EPHA6: variants seen among roughly 807,000 people sequenced by gnomAD.
EPHA6 encodes the protein ephrin type-A receptor 6.
A neutral mutation model predicts 112.0 loss-of-function variants in EPHA6; 50 were observed. The ratio of observed to expected loss-of-function variants is 0.45; its 90% confidence interval spans 0.36 to 0.56. The LOEUF is 0.56. EPHA6 is among the 20% of genes least tolerant of loss of function. The pLI is 0.00. For synonymous variants in EPHA6, 529 were observed against 490.7 expected (o/e 1.08, Z -1.03); for missense variants, 1,280 against 1,417.4 (o/e 0.90, Z 1.56).
intron 2 of EPHA6, among the ~76,000 whole-genome samples, chr3:96,889,404 G>A (rs781739510): frequency 2.7e-4 from 41 of 152,290 alleles, no homozygotes; most frequent in Non-Finnish European, 4.6e-4. Flanking sequence ...AGGTTTATTG[G>A]AGTCACAGTT....
chr3:97,190,395 C>A (rs987354868), intron 3 of EPHA6, among the ~76,000 whole-genome samples: 1 of 152,030 alleles, frequency 6.6e-6, no homozygotes, highest in Admixed American at 6.6e-5. Flanking sequence ...TGTAAAAGCA[C>A]CCCAACTTCT....
At chr3:97,374,764 G>C (rs902078541) in intron 5 of EPHA6, among the ~76,000 whole-genome samples, 2 of 152,040 alleles carry the variant, frequency 1.3e-5, no homozygotes, top group African/African-American at 4.8e-5. Context: ...ATAAAATTAT[G>C]TCCTTTACAA....
At chr3:96,820,323 A>G (rs2033152816) in intron 1 of EPHA6, among the ~76,000 whole-genome samples, 1 of 152,064 alleles carries the variant, frequency 6.6e-6, no homozygotes, top group Admixed American at 6.6e-5. Context: ...ACCAATTTAC[A>G]TTTTAGTAGC....
chr3:97,362,992 T>C (rs978418538), intron 5 of EPHA6, among the ~76,000 whole-genome samples: 1 of 150,762 alleles, frequency 6.6e-6, no homozygotes, highest in African/African-American at 2.4e-5. Flanking sequence ...TAATTTATTA[T>C]TGTTATACTT....
intron 5 of EPHA6, among the ~76,000 whole-genome samples, chr3:97,273,460 G>GTC (rs1425927825): frequency 6.6e-6 from 1 of 152,178 alleles, no homozygotes; most frequent in Non-Finnish European, 1.5e-5. Context: ...TTGATCTGGT[G>GTC]TCTGGAATGA....
At chr3:97,333,425 C>T (rs2082897079) in intron 5 of EPHA6, among the ~76,000 whole-genome samples, 1 of 149,604 alleles carries the variant, frequency 6.7e-6, no homozygotes, top group Non-Finnish European at 1.5e-5. Flanking sequence ...CATCTGCAAC[C>T]AGAAAGAGTT....
intron 10 of EPHA6, among the ~76,000 whole-genome samples, chr3:97,509,382 T>C (rs2092322897): frequency 6.6e-6 from 1 of 152,182 alleles, no homozygotes; most frequent in South Asian, 2.1e-4. Context: ...GCAGGCCTGG[T>C]GGTGACAAAA....
At chr3:97,126,297 C>T (rs1027991095) in intron 3 of EPHA6, among the ~76,000 whole-genome samples, 3 of 152,146 alleles carry the variant, frequency 2.0e-5, no homozygotes, top group Non-Finnish European at 2.9e-5. Flanking sequence ...CCACAACATG[C>T]ACTGGCAGCT....
In EPHA6 at chr3:97,735,990, C is replaced by T. The variant is rs761026433; in HGVS notation, c.3000C>T (p.His1000=). The change falls in exon 16 of 18, where the codon CAC becomes CAT. Residue 1000 remains histidine (H), a synonymous_variant. Coordinates refer to ENST00000389672, the MANE Select transcript of EPHA6 (RefSeq NM_001080448.3). ...PAPMGCPASL[H]QLMLHCWQKE... is the part of the protein sequence containing the mutation. ...CCATGGGCTGTCCAGCATCTCTACA[C>T]CAGCTGATGCTCCACTGCTGGCAGA... 2.5e-6 allele frequency: 4 copies of T among 1,612,628 alleles called. No homozygotes were observed. Among genetic ancestry groups the T allele is most frequent in the Non-Finnish European group, 3.4e-6 (4 of 1,179,130 alleles).
At chr3:97,104,185 TG>T (rs1199055674) in intron 3 of EPHA6, among the ~76,000 whole-genome samples, 1 of 152,150 alleles carries the variant, frequency 6.6e-6, no homozygotes, top group Non-Finnish European at 1.5e-5. Flanking sequence ...AATACTGTGT[TG>T]AATAGGAGTG....
At chr3:97,582,910 TC>T (rs2093452570) in intron 11 of EPHA6, among the ~76,000 whole-genome samples, 1 of 151,980 alleles carries the variant, frequency 6.6e-6, no homozygotes, top group Non-Finnish European at 1.5e-5. Context: ...CAGAACATTC[TC>T]TTTTAAACTT....
intron 6 of EPHA6, among the ~76,000 whole-genome samples, chr3:97,434,694 A>G (rs1000035693): frequency 1.4e-4 from 22 of 152,150 alleles, no homozygotes; most frequent in Non-Finnish European, 2.6e-4. Flanking sequence ...ATTATAATTC[A>G]TAAATATTGT....
intron 6 of EPHA6, among the ~76,000 whole-genome samples, chr3:97,417,550 T>C (rs1344179937): frequency 6.6e-6 from 1 of 152,164 alleles, no homozygotes; most frequent in African/African-American, 2.4e-5. Flanking sequence ...AAGCATACTC[T>C]TGATGGTAAT....
chr3:97,507,582 T>G (rs1283637204), intron 10 of EPHA6, among the ~76,000 whole-genome samples: 1 of 152,154 alleles, frequency 6.6e-6, no homozygotes, highest in Non-Finnish European at 1.5e-5. Context: ...TTATTGAGGA[T>G]TTTTGCATTG....
At chr3:96,949,519 A>T (rs1302091792) in intron 2 of EPHA6, among the ~76,000 whole-genome samples, 1 of 152,220 alleles carries the variant, frequency 6.6e-6, no homozygotes, top group South Asian at 2.1e-4. Context: ...AAAAGTATAT[A>T]TATAACATTG....
At chr3:96,899,268 C>T (rs1400789902) in intron 2 of EPHA6, among the ~76,000 whole-genome samples, 4 of 152,122 alleles carry the variant, frequency 2.6e-5, no homozygotes, top group African/African-American at 9.7e-5. Context: ...CATCTTCCCC[C>T]TATGTATATC....
intron 2 of EPHA6, among the ~76,000 whole-genome samples, chr3:96,875,388 T>C (rs945581763): frequency 1.3e-5 from 2 of 152,110 alleles, no homozygotes; most frequent in Non-Finnish European, 2.9e-5. Context: ...CAACTATGAT[T>C]TGTGTCACTT....
At chr3:97,731,450 A>G (rs1228612989) in intron 15 of EPHA6, among the ~76,000 whole-genome samples, 1 of 152,094 alleles carries the variant, frequency 6.6e-6, no homozygotes, top group Non-Finnish European at 1.5e-5. Context: ...CACGGAGTAT[A>G]TAAGTCACAC....
intron 11 of EPHA6, among the ~76,000 whole-genome samples, chr3:97,580,406 C>T (rs2093426413): frequency 6.6e-6 from 1 of 152,190 alleles, no homozygotes; most frequent in Admixed American, 6.5e-5. Context: ...CTGAAATTGC[C>T]TTGGAACTAG....
Sources: allele counts gnomAD v4.1 joint callset (sites outside exome capture counted in the v4.1 genomes callset), GRCh38; gene constraint gnomAD v4.1.1; transcripts MANE v1.5; gene names NCBI Gene and HGNC (gene_info 2026-07-23, HGNC 2026-07-21).